The following CTNS variants were observed in gnomAD, a reference collection of about 807,000 sequenced individuals.
CTNS encodes cystinosin, lysosomal cystine transporter.
A neutral mutation model predicts 43.7 loss-of-function variants in CTNS; 27 were observed. That is an observed-to-expected ratio of 0.62 (90% confidence interval 0.46 to 0.85). The LOEUF (loss-of-function observed/expected upper bound fraction) is 0.85, where lower values mean the gene tolerates loss of function less well. Ranked by LOEUF, CTNS falls within the 40% of genes least tolerant of loss-of-function variation. The pLI is 0.00. For synonymous variants in CTNS, 187 were observed against 190.6 expected, an observed-to-expected ratio of 0.98 and a Z score of 0.16; for missense variants, 457 against 475.4, an observed-to-expected ratio of 0.96 and a Z score of 0.36.
At chr17:3,641,530 T>C (rs1307822959) in intron 3 of CTNS, among the ~76,000 whole-genome samples, 1 of 150,940 alleles carries the variant, frequency 6.6e-6, no homozygotes, top group Non-Finnish European at 1.5e-5. Context: ...TAGCTGGGAT[T>C]ACAGGCACCC....
chr17:3,651,055 G>A (rs1329756786), intron 5 of CTNS, among the ~76,000 whole-genome samples: 1 of 151,578 alleles, frequency 6.6e-6, no homozygotes, highest in Non-Finnish European at 1.5e-5. Flanking sequence ...CACCCGCCAC[G>A]GCCTCCTAAA....
rs527539859 is a variant in CTNS at position 3,658,059 on chromosome 17, C to G, written c.736C>G (p.Leu246Val). The G allele has an allele frequency of 6.2e-7, 1 of 1,611,980 alleles. No homozygotes were observed. Among genetic ancestry groups the G allele is most frequent in the Non-Finnish European group, 8.5e-7 (1 of 1,179,982 alleles). Residue 246 changes from leucine to valine, a missense_variant, in exon 10 of 12, where the codon CTC becomes GTC. Coordinates refer to ENST00000046640, the MANE Select transcript of CTNS (RefSeq NM_004937.3). ...PAIGFLVLAW[L>V]FAFVTMIVAA... is the part of the protein sequence containing the mutation. ...CATCGGCTTCCTGGTGCTCGCGTGGCTCTTCGCATTTGTCACCATGATCGT... is the reference window on the plus strand; with the variant it reads ...CATCGGCTTCCTGGTGCTCGCGTGGGTCTTCGCATTTGTCACCATGATCGT...
chr17:3,656,967 A>C, intron 9 of CTNS, 172 bp downstream of exon 9: 3 of 1,022,770 alleles, frequency 2.9e-6, no homozygotes, highest in East Asian at 2.7e-5. Context: ...AGAGCCCCCC[A>C]AGTCTGGGGT....
At chr17:3,647,408 C>G (rs1481449984) in intron 3 of CTNS, 36 bp from the exon 4 acceptor site, 2 of 1,581,046 alleles carry the variant, frequency 1.3e-6, no homozygotes, top group African/African-American at 1.3e-5. Flanking sequence ...TGAACTCTGA[C>G]CCAGTGCCTC....
intron 5 of CTNS, among the ~76,000 whole-genome samples, chr17:3,651,060 C>T (rs2075970297): frequency 6.6e-6 from 1 of 151,374 alleles, no homozygotes; most frequent in South Asian, 2.1e-4. Context: ...GCCACGGCCT[C>T]CTAAAGTGCT....
chr17:3,654,900 C>T (rs2076087933), intron 5 of CTNS, 98 bp from the exon 6 acceptor site: 3 of 878,908 alleles, frequency 3.4e-6, no homozygotes, highest in Non-Finnish European at 5.9e-6. Context: ...GCGGGTGGTG[C>T]GTCCCTCCGT....
chr17:3,660,821 C>G lies in CTNS; in HGVS notation c.*452C>G. On this transcript the variant is annotated 3_prime_UTR_variant, in exon 12 of 12. Transcript: ENST00000046640. ...AGCCCGGTGCCGTGGCCAGTGAACT[C>G]AGAGGTGCTGGTGGACGGGCTAGGA... 2.5e-6 allele frequency: 4 copies of G among 1,589,672 alleles called. No homozygotes were observed. The South Asian group carries it at 4.5e-5, about 18-fold the overall frequency.
intron 2 of CTNS, among the ~76,000 whole-genome samples, chr17:3,637,830 G>T (rs1343677383): frequency 6.6e-6 from 1 of 151,730 alleles, no homozygotes; most frequent in Non-Finnish European, 1.5e-5. Flanking sequence ...TTTAAGTCCT[G>T]TGAGGTAGTT....
At chr17:3,643,081 A>G (rs1400641830) in intron 3 of CTNS, among the ~76,000 whole-genome samples, 2 of 152,108 alleles carry the variant, frequency 1.3e-5, no homozygotes, top group Non-Finnish European at 2.9e-5. Flanking sequence ...TTGGGAGGCC[A>G]AGGAGGGTGG....
At chr17:3,657,774 G>C (rs2076188497) in intron 9 of CTNS, 1 of 586,542 alleles carries the variant, frequency 1.7e-6, no homozygotes, top group Non-Finnish European at 3.1e-6. Context: ...GCGATGAGAA[G>C]GTGTGGTTGG....
chr17:3,657,865 C>T, intron 9 of CTNS, 140 bp from the exon 10 acceptor site: 1 of 877,284 alleles, frequency 1.1e-6, no homozygotes, highest in East Asian at 2.5e-5. Context: ...CAGTGCAGCC[C>T]CCACCTTGCA....
At chr17:3,648,979 A>G (rs1451483818) in intron 5 of CTNS, 48 bp downstream of exon 5, 1 of 1,448,478 alleles carries the variant, frequency 6.9e-7, no homozygotes, top group Admixed American at 1.7e-5. Flanking sequence ...TAGGTAACAG[A>G]ACACATTTGA....
chr17:3,659,280 G>A (rs1389969131), intron 10 of CTNS, among the ~76,000 whole-genome samples: 2 of 152,058 alleles, frequency 1.3e-5, no homozygotes, highest in East Asian at 1.9e-4. Flanking sequence ...AGACTGGGGC[G>A]CATCCCCGCA....
At chr17:3,659,830 C>A (rs78671385) in intron 10 of CTNS, 28 bp from the exon 11 acceptor site, 3 of 1,570,316 alleles carry the variant, frequency 1.9e-6, no homozygotes, top group Non-Finnish European at 2.6e-6. Flanking sequence ...CACCGCCCTC[C>A]GTCTGTCTGT....
chr17:3,656,762 G>T lies in CTNS; in HGVS notation c.648G>T (p.Thr216=). Residue 216 remains threonine (T), a synonymous_variant, in exon 9 of 12, where the codon ACG becomes ACT. Coordinates refer to ENST00000046640, the MANE Select transcript of CTNS (RefSeq NM_004937.3). ...TCAGCCTGCACGCGGTTGTCCTCAC[G>T]CTGATCATCATCGTGCAGTGCTGCC... ...VFFSLHAVVL[T]LIIIVQCCLY... is the part of the protein sequence containing the mutation. 5 of 1,613,376 alleles carry T rather than the reference G, an allele frequency of 3.1e-6. No individual in the cohort carries two copies. The highest frequency in any genetic ancestry group is 4.2e-6 in the Non-Finnish European group (5 of 1,179,984).
intron 5 of CTNS, among the ~76,000 whole-genome samples, chr17:3,651,898 C>G (rs1163290998): frequency 6.7e-6 from 1 of 148,438 alleles, no homozygotes; most frequent in South Asian, 2.1e-4. Context: ...CACTTGAACC[C>G]GGGAGGCAGA....
At chr17:3,642,486 G>A (rs78547239) in intron 3 of CTNS, among the ~76,000 whole-genome samples, 5 of 152,152 alleles carry the variant, frequency 3.3e-5, no homozygotes, top group South Asian at 4.1e-4. Flanking sequence ...TCAGGAGTTC[G>A]AGACCAGCCT....
chr17:3,640,559 C>G (rs1477841333), intron 3 of CTNS, among the ~76,000 whole-genome samples: 2 of 152,218 alleles, frequency 1.3e-5, no homozygotes, highest in Non-Finnish European at 2.9e-5. Context: ...GCAGCTGATT[C>G]TCAAAGTCAA....
chr17:3,648,570 G>A (rs1461919584), intron 4 of CTNS, among the ~76,000 whole-genome samples: 2 of 152,194 alleles, frequency 1.3e-5, no homozygotes, highest in Admixed American at 6.5e-5. Flanking sequence ...AGGGAGCCAC[G>A]GTCCTGGGCC....
Sources: gnomAD v4.1 joint callset for allele counts (sites outside exome capture counted in the v4.1 genomes callset) on GRCh38, gnomAD v4.1.1 for gene constraint, MANE v1.5 for transcripts, NCBI Gene and HGNC (gene_info 2026-07-23, HGNC 2026-07-21) for gene names.